The following LRBA variants were observed in gnomAD, a reference collection of about 807,000 sequenced individuals.
LRBA encodes the protein LPS responsive beige-like anchor protein.
A neutral mutation model predicts 330.0 loss-of-function variants in LRBA; 176 were observed. That is an observed-to-expected ratio of 0.53 (90% CI 0.47 to 0.60). The LOEUF (loss-of-function observed/expected upper bound fraction) is 0.60. Among genes scored for constraint, LRBA ranks in the 20% least tolerant of loss-of-function variants. The pLI is 0.00. For synonymous variants in LRBA, 1,230 were observed against 1,193.0 expected (o/e 1.03, Z -0.64); for missense variants, 3,259 against 3,444.8 (o/e 0.95, Z 1.35).
intron 40 of LRBA, among the ~76,000 whole-genome samples, chr4:150,506,478 A>G (rs1279694956): frequency 6.6e-6 from 1 of 152,238 alleles, no homozygotes; most frequent in Non-Finnish European, 1.5e-5. Context: ...GACAAAAACC[A>G]CATGATTATC....
intron 37 of LRBA, among the ~76,000 whole-genome samples, chr4:150,611,674 A>C (rs558948067): frequency 1.1e-4 from 17 of 152,354 alleles, no homozygotes; most frequent in Admixed American, 3.9e-4. Context: ...GTAAGGAGTT[A>C]CAAGGCTCTA....
intron 26 of LRBA, among the ~76,000 whole-genome samples, chr4:150,847,967 C>T (rs932457849): frequency 1.3e-5 from 2 of 152,158 alleles, no homozygotes; most frequent in African/African-American, 4.8e-5. Flanking sequence ...GCAGCATCAA[C>T]ATCACCTGGG....
intron 46 of LRBA, among the ~76,000 whole-genome samples, chr4:150,418,800 T>C (rs1748151397): frequency 6.6e-6 from 1 of 152,194 alleles, no homozygotes; most frequent in African/African-American, 2.4e-5. Context: ...TGAAGGCATC[T>C]TTCTTTTCTG....
chr4:150,854,078 G>T (rs1201288694), intron 22 of LRBA, among the ~76,000 whole-genome samples: 1 of 152,034 alleles, frequency 6.6e-6, no homozygotes, highest in Admixed American at 6.6e-5. Flanking sequence ...AAGTAAAAAT[G>T]ACTCTCAATG....
intron 2 of LRBA, among the ~76,000 whole-genome samples, chr4:150,965,070 T>G (rs1738726900): frequency 6.6e-6 from 1 of 152,146 alleles, no homozygotes; most frequent in Non-Finnish European, 1.5e-5. Flanking sequence ...GGAAGGCAGT[T>G]TGGCAATATA....
intron 40 of LRBA, among the ~76,000 whole-genome samples, chr4:150,543,720 A>T (rs1184307251): frequency 1.3e-5 from 2 of 152,150 alleles, no homozygotes; most frequent in African/African-American, 2.4e-5. Flanking sequence ...CAACACTAGA[A>T]ATAACCAATT....
At chr4:150,915,411 A>G (rs1732476410) in intron 8 of LRBA, among the ~76,000 whole-genome samples, 197 bp downstream of exon 8, 1 of 152,122 alleles carries the variant, frequency 6.6e-6, no homozygotes, top group Non-Finnish European at 1.5e-5. Flanking sequence ...TTCTACCTAT[A>G]TGGAATGATT....
intron 36 of LRBA, among the ~76,000 whole-genome samples, chr4:150,694,030 G>T (rs539056479): frequency 6.6e-6 from 1 of 152,168 alleles, no homozygotes; most frequent in South Asian, 2.1e-4. Flanking sequence ...ACTTTTAAAA[G>T]AAACATATAC....
intron 2 of LRBA, among the ~76,000 whole-genome samples, chr4:150,942,681 C>T (rs1735807554): frequency 2.6e-5 from 4 of 152,016 alleles, no homozygotes. Context: ...ATAAGATTTC[C>T]ATTTCTACTA....
intron 8 of LRBA, 107 bp downstream of exon 8, chr4:150,915,501 A>T: frequency 1.1e-6 from 1 of 941,198 alleles, no homozygotes; most frequent in Non-Finnish European, 1.5e-6. Context: ...AAAATCTACC[A>T]TTGTAATACT....
At chr4:150,397,539 A>C (rs1744899107) in intron 47 of LRBA, among the ~76,000 whole-genome samples, 1 of 152,214 alleles carries the variant, frequency 6.6e-6, no homozygotes, top group Non-Finnish European at 1.5e-5. Context: ...TGGCCTCCCA[A>C]AGCACTGGGA....
intron 36 of LRBA, among the ~76,000 whole-genome samples, chr4:150,691,659 A>G (rs1277354041): frequency 6.6e-6 from 1 of 152,206 alleles, no homozygotes; most frequent in Non-Finnish European, 1.5e-5. Context: ...GTAAGCTTAA[A>G]CATATACTTA....
chr4:151,000,263 T>C (rs1194406932), intron 2 of LRBA, among the ~76,000 whole-genome samples: 1 of 152,222 alleles, frequency 6.6e-6, no homozygotes, highest in African/African-American at 2.4e-5. Context: ...TTACAATATT[T>C]TCAGCTTTAG....
At chr4:150,642,078 C>CA (rs1267396359) in intron 37 of LRBA, among the ~76,000 whole-genome samples, 2 of 151,866 alleles carry the variant, frequency 1.3e-5, no homozygotes, top group Non-Finnish European at 2.9e-5. Flanking sequence ...AAGTTTTAAA[C>CA]AAAAAATTGA....
chr4:150,437,179 C>T (rs1428294564), intron 44 of LRBA, among the ~76,000 whole-genome samples: 1 of 151,908 alleles, frequency 6.6e-6, no homozygotes, highest in Non-Finnish European at 1.5e-5. Flanking sequence ...ATCAGCTGTA[C>T]AACACTTTGG....
rs34452226 is a variant in LRBA, at chr4:150,645,202, AT to A, written c.5921+38348del. Among the ~76,000 whole-genome samples the A allele has an allele frequency of 2.2e-3, 315 of 143,660 alleles. 1 individual carries two copies. The highest frequency in any genetic ancestry group is 4.9e-3 in the African/African-American group (195 of 39,542). 94.2% of individuals were successfully genotyped at this position (143,660 alleles called of 152,430 possible). ...GATTTTCCGCTAAGGGCATAGACTG[AT>A]TTTTTTTTTTTTCTGAGAAAAAAAT... On this transcript the variant is annotated intron_variant, in intron 37 of 56. Coordinates refer to ENST00000651943, the MANE Select transcript of LRBA (RefSeq NM_001364905.1).
At chr4:150,578,698 A>G (rs1326029292) in intron 40 of LRBA, among the ~76,000 whole-genome samples, 3 of 152,242 alleles carry the variant, frequency 2.0e-5, no homozygotes, top group Non-Finnish European at 4.4e-5. Flanking sequence ...GTAACTAAAA[A>G]CATGCCCACT....
At chr4:150,638,976 G>A (rs1778213603) in intron 37 of LRBA, among the ~76,000 whole-genome samples, 11 of 84,270 alleles carry the variant, frequency 1.3e-4, no homozygotes, top group African/African-American at 4.7e-4. Context: ...ATGATAGACT[G>A]GATTAAGAAA....
At chr4:150,526,819 C>A (rs1276216766) in intron 40 of LRBA, among the ~76,000 whole-genome samples, 1 of 151,890 alleles carries the variant, frequency 6.6e-6, no homozygotes, top group African/African-American at 2.4e-5. Context: ...AACATGATGC[C>A]ATTATCATGT....
Sources: gnomAD v4.1 joint callset for allele counts (sites outside exome capture counted in the v4.1 genomes callset) on GRCh38, gnomAD v4.1.1 for gene constraint, MANE v1.5 for transcripts, NCBI Gene and HGNC (gene_info 2026-07-23, HGNC 2026-07-21) for gene names.